The following CSRNP3 variants were observed in gnomAD, a reference collection of about 807,000 sequenced individuals.
The protein encoded by CSRNP3 is cysteine/serine-rich nuclear protein 3.
Under a neutral mutation model 48.0 loss-of-function variants are expected in CSRNP3, and 12 were observed. That is an observed-to-expected ratio of 0.25 (90% confidence interval 0.16 to 0.41). CSRNP3 has a LOEUF of 0.41. Among genes scored for constraint, CSRNP3 ranks in the 10% least tolerant of loss-of-function variants. The pLI, the probability that CSRNP3 is intolerant of heterozygous loss-of-function variation, is 1.00. For synonymous variants in CSRNP3, 263 were observed against 269.7 expected, an observed-to-expected ratio of 0.98 and a Z score of 0.24; for missense variants, 580 against 724.4, an observed-to-expected ratio of 0.80 and a Z score of 2.29.
rs75534137 is a variant in CSRNP3 at position 165,469,756 on chromosome 2, A to T, written c.-283+16A>T. On this transcript the variant is annotated intron_variant, in intron 1 of 6. Coordinates refer to ENST00000651982, the MANE Select transcript of CSRNP3 (RefSeq NM_001172173.2). ...ATATTTACAGGTAAGAGCGAAAAAT[A>T]AAAAAAAAGAAAAGAGAATTCTTTT... 1 of 151,928 alleles carries T rather than the reference A, an allele frequency of 6.6e-6. No homozygotes were observed. The highest frequency in any genetic ancestry group is 1.5e-5 in the Non-Finnish European group (1 of 67,826). 9.4% of individuals were successfully genotyped at this position (151,928 alleles called of 1,614,324 possible).
intron 3 of CSRNP3, among the ~76,000 whole-genome samples, chr2:165,556,826 G>A (rs1025685430): frequency 6.6e-6 from 1 of 152,176 alleles, no homozygotes. Flanking sequence ...AGCTTCTCTT[G>A]TTTTGGCTTT....
At chr2:165,551,959 T>C (rs994988254) in intron 3 of CSRNP3, among the ~76,000 whole-genome samples, 12 of 152,228 alleles carry the variant, frequency 7.9e-5, no homozygotes, top group Non-Finnish European at 1.6e-4. Flanking sequence ...TTTATTTTCA[T>C]TGGGGAATCT....
At chr2:165,482,270 T>TA (rs1252481942) in intron 1 of CSRNP3, among the ~76,000 whole-genome samples, 1 of 150,904 alleles carries the variant, frequency 6.6e-6, no homozygotes, top group African/African-American at 2.4e-5. Context: ...ATGTGCTTTT[T>TA]TTTTTTTTCT....
intron 1 of CSRNP3, among the ~76,000 whole-genome samples, chr2:165,491,934 A>G (rs1203281456): frequency 1.4e-5 from 2 of 144,332 alleles, no homozygotes; most frequent in East Asian, 4.3e-4. Context: ...CATGTACCCT[A>G]AAACTTAAAG....
intron 4 of CSRNP3, among the ~76,000 whole-genome samples, chr2:165,631,135 A>G (rs1446619928): frequency 3.9e-5 from 6 of 152,242 alleles, no homozygotes; most frequent in Non-Finnish European, 5.9e-5. Flanking sequence ...TTAAATTTCA[A>G]TGTTAACATA....
intron 1 of CSRNP3, among the ~76,000 whole-genome samples, chr2:165,471,313 G>A (rs1470816524): frequency 6.6e-6 from 1 of 151,660 alleles, no homozygotes; most frequent in East Asian, 1.9e-4. Context: ...GGATCTTTCC[G>A]ATTTTGTTTT....
Position 165,606,366 on chromosome 2 carries a change from CAAAAAAA to C in CSRNP3, c.148+11166_148+11172del, listed in dbSNP as rs1229143916. ...CAAAAATAAGGAAGAGCTAATGCAG[CAAAAAAA>C]AAAAAAAAAAAAGTAGACATAGAAC... On this transcript the variant is annotated intron_variant, in intron 4 of 6. Transcript: ENST00000651982. Among the ~76,000 whole-genome samples the C allele has an allele frequency of 9.5e-5, 6 of 63,094 alleles. 1 individual carries two copies. In the East Asian group the frequency reaches 2.4e-3, roughly 25 times the overall value. 41.4% of individuals were successfully genotyped at this position (63,094 alleles called of 152,430 possible).
At chr2:165,616,957 C>T (rs1686256366) in intron 4 of CSRNP3, among the ~76,000 whole-genome samples, 1 of 151,954 alleles carries the variant, frequency 6.6e-6, no homozygotes, top group Admixed American at 6.6e-5. Context: ...TTGAAGCTCT[C>T]AGTTGTATTT....
intron 3 of CSRNP3, among the ~76,000 whole-genome samples, chr2:165,520,504 C>A (rs988096376): frequency 1.3e-4 from 19 of 151,464 alleles, no homozygotes; most frequent in Non-Finnish European, 2.5e-4. Context: ...AAATATCTGG[C>A]CATGCAAATA....
intron 4 of CSRNP3, among the ~76,000 whole-genome samples, chr2:165,628,776 G>A (rs1299812629): frequency 1.3e-5 from 2 of 151,268 alleles, no homozygotes; most frequent in African/African-American, 4.9e-5. Context: ...GAAACACTAG[G>A]GATGAGGGGG....
intron 4 of CSRNP3, among the ~76,000 whole-genome samples, chr2:165,598,662 C>T (rs528220516): frequency 2.6e-5 from 4 of 152,106 alleles, no homozygotes; most frequent in Non-Finnish European, 4.4e-5. Flanking sequence ...ACTTATTTTA[C>T]GATGTCTAAG....
intron 4 of CSRNP3, among the ~76,000 whole-genome samples, chr2:165,649,483 A>G (rs374275047): frequency 1.4e-4 from 21 of 152,300 alleles, no homozygotes; most frequent in East Asian, 1.2e-3. Context: ...ACTGGTTCTT[A>G]TATGTGTCTA....
intron 3 of CSRNP3, among the ~76,000 whole-genome samples, chr2:165,523,125 A>G (rs1162087024): frequency 6.6e-6 from 1 of 152,130 alleles, no homozygotes; most frequent in African/African-American, 2.4e-5. Context: ...GCATCAAACC[A>G]ACTAGGTCTA....
intron 4 of CSRNP3, among the ~76,000 whole-genome samples, chr2:165,631,069 CT>C (rs1449538288): frequency 6.6e-6 from 1 of 152,134 alleles, no homozygotes; most frequent in Non-Finnish European, 1.5e-5. Flanking sequence ...TCATAATTGC[CT>C]TATTATTGCA....
At position 165,589,189 on chromosome 2, in the gene CSRNP3, C is replaced by T. The variant is rs569601538; in HGVS notation, c.-23-5854C>T. On this transcript the variant is annotated intron_variant, in intron 3 of 6. Transcript: ENST00000651982. Reference sequence around the variant, plus strand: ...ATCCTCCAACACAGTATAAACAAATCGGGTATACAACACTTTATTAATAGG... The same window carrying T: ...ATCCTCCAACACAGTATAAACAAATTGGGTATACAACACTTTATTAATAGG... 2.6e-5 allele frequency among the ~76,000 whole-genome samples: 4 copies of T among 152,200 alleles called. No individual in the cohort carries two copies. In the East Asian group the frequency reaches 5.8e-4, roughly 22 times the overall value.
Position 165,687,240 on chromosome 2 carries a change from G to C in CSRNP3, c.*7487G>C, listed in dbSNP as rs1687644262. 1 of 150,576 alleles carries C rather than the reference G, an allele frequency of 6.6e-6. No individual in the cohort carries two copies. Among genetic ancestry groups the C allele is most frequent in the South Asian group, 2.1e-4 (1 of 4,826 alleles). The allele number at this position is 150,576 out of a possible 1,614,324, so 9.3% of individuals were successfully genotyped here. A position where few individuals can be genotyped will look rare whatever the true frequency, so the allele number is the denominator to read the frequency against. On this transcript the variant is annotated 3_prime_UTR_variant, in exon 7 of 7. Transcript: ENST00000651982. ...CTAAGAAATCAGATTTTTAAAGAAAGACACGGATTCAGAGACAATGGTCTG... is the reference window on the plus strand; with the variant it reads ...CTAAGAAATCAGATTTTTAAAGAAACACACGGATTCAGAGACAATGGTCTG...
chr2:165,631,372 T>C (rs1388203485), intron 4 of CSRNP3, among the ~76,000 whole-genome samples: 3 of 152,212 alleles, frequency 2.0e-5, no homozygotes, highest in African/African-American at 4.8e-5. Flanking sequence ...AAGGCGTTTT[T>C]ATATTCTCAC....
chr2:165,609,327 C>T (rs1179145429), intron 4 of CSRNP3, among the ~76,000 whole-genome samples: 1 of 150,840 alleles, frequency 6.6e-6, no homozygotes, highest in East Asian at 2.0e-4. Flanking sequence ...GGCACGGTGG[C>T]GGGCGCTTGT....
chr2:165,470,643 A>C (rs1023300212), intron 1 of CSRNP3, among the ~76,000 whole-genome samples: 3 of 151,990 alleles, frequency 2.0e-5, no homozygotes, highest in African/African-American at 4.8e-5. Context: ...CTTAGGGAAA[A>C]AAGGGACAAG....
Sources: allele counts gnomAD v4.1 joint callset (sites outside exome capture counted in the v4.1 genomes callset), GRCh38; gene constraint gnomAD v4.1.1; transcripts MANE v1.5; gene names NCBI Gene and HGNC (gene_info 2026-07-23, HGNC 2026-07-21).